The following GPC5 variants were observed in gnomAD, a reference collection of about 807,000 sequenced individuals.
The protein encoded by GPC5 is glypican 5.
Under a neutral mutation model 53.9 loss-of-function variants are expected in GPC5, and 47 were observed. That is an observed-to-expected ratio of 0.87 (90% CI 0.69 to 1.11). The LOEUF (loss-of-function observed/expected upper bound fraction) is 1.11, where lower values mean the gene tolerates loss of function less well. GPC5 is among the 50% of genes most tolerant of loss of function. The pLI is 0.00. For synonymous variants in GPC5, 286 were observed against 263.3 expected (o/e 1.09, Z -0.84); for missense variants, 748 against 713.1 (o/e 1.05, Z -0.56).
intron 7 of GPC5, among the ~76,000 whole-genome samples, chr13:92,847,235 A>G (rs1594546854): frequency 6.6e-6 from 1 of 152,230 alleles, no homozygotes; most frequent in East Asian, 1.9e-4. Flanking sequence ...CTGCTTTGCA[A>G]AGAGGTTCTA....
At chr13:91,766,273 G>T (rs1440413950) in intron 5 of GPC5, among the ~76,000 whole-genome samples, 1 of 152,190 alleles carries the variant, frequency 6.6e-6, no homozygotes, top group African/African-American at 2.4e-5. Context: ...TCTGAGTTGA[G>T]TGGCCTCTAC....
intron 2 of GPC5, among the ~76,000 whole-genome samples, chr13:91,515,091 T>A (rs182316585): frequency 2.0e-5 from 3 of 152,356 alleles, no homozygotes; most frequent in Admixed American, 1.3e-4. Flanking sequence ...TATTGGACAG[T>A]GCAGATACAG....
intron 2 of GPC5, among the ~76,000 whole-genome samples, chr13:91,449,240 A>G (rs1881018729): frequency 6.6e-6 from 1 of 152,152 alleles, no homozygotes; most frequent in Non-Finnish European, 1.5e-5. Flanking sequence ...GAACAGACAT[A>G]ATTATTAGAT....
chr13:91,985,954 A>T (rs1423991761), intron 6 of GPC5, among the ~76,000 whole-genome samples: 1 of 151,666 alleles, frequency 6.6e-6, no homozygotes, highest in Non-Finnish European at 1.5e-5. Context: ...GGCATCCAGG[A>T]CTCTGATCCC....
chr13:92,787,667 C>CAAAAAAAAAAAAAAAAAAAAAAAAAAAAA (rs71202562), intron 7 of GPC5, among the ~76,000 whole-genome samples: 2 of 56,232 alleles, frequency 3.6e-5, no homozygotes, highest in African/African-American at 1.4e-4. Context: ...CTCATAGCTA[C>CAAAAAAAAAAAAAAAAAAAAAAAAAAAAA]AAAAAAAAAA....
At chr13:92,661,762 T>C (rs1290214152) in intron 7 of GPC5, among the ~76,000 whole-genome samples, 1 of 152,240 alleles carries the variant, frequency 6.6e-6, no homozygotes, top group Non-Finnish European at 1.5e-5. Context: ...TGGTATTTAT[T>C]GTCAAGTTGT....
chr13:91,703,311 T>C (rs1214426631), intron 3 of GPC5, among the ~76,000 whole-genome samples: 1 of 152,120 alleles, frequency 6.6e-6, no homozygotes, highest in African/African-American at 2.4e-5. Context: ...AGCTGTGGGA[T>C]TGTGATATAT....
At chr13:91,579,503 T>A (rs966306083) in intron 2 of GPC5, among the ~76,000 whole-genome samples, 1 of 152,200 alleles carries the variant, frequency 6.6e-6, no homozygotes, top group African/African-American at 2.4e-5. Context: ...CTCTGTCATC[T>A]GAACCACATT....
chr13:92,081,589 A>C (rs2041296146), intron 6 of GPC5, among the ~76,000 whole-genome samples: 2 of 152,196 alleles, frequency 1.3e-5, no homozygotes, highest in South Asian at 4.1e-4. Flanking sequence ...TGGTCTGTTC[A>C]AATAATTTCT....
intron 7 of GPC5, among the ~76,000 whole-genome samples, chr13:92,381,906 T>TA (rs2043748616): frequency 7.3e-6 from 1 of 136,442 alleles, no homozygotes; most frequent in African/African-American, 2.8e-5. Context: ...TAATCATATA[T>TA]ATGATATATA....
chr13:91,648,160 C>A (rs928375612), intron 2 of GPC5, among the ~76,000 whole-genome samples: 15 of 152,162 alleles, frequency 9.9e-5, no homozygotes, highest in African/African-American at 1.4e-4. Flanking sequence ...ACAGTGCTAT[C>A]CTGATTCCAG....
chr13:91,753,464 C>T (rs902669798), intron 4 of GPC5, among the ~76,000 whole-genome samples: 2 of 152,104 alleles, frequency 1.3e-5, no homozygotes, highest in Non-Finnish European at 2.9e-5. Context: ...TCAAATCTTT[C>T]ACTTGTTTTT....
At chr13:92,431,477 G>A (rs924323222) in intron 7 of GPC5, among the ~76,000 whole-genome samples, 3 of 150,028 alleles carry the variant, frequency 2.0e-5, no homozygotes, top group Non-Finnish European at 4.4e-5. Flanking sequence ...CAACTAGAAA[G>A]GTTCTATAGG....
At chr13:92,816,990 G>A (rs761918071) in intron 7 of GPC5, among the ~76,000 whole-genome samples, 9 of 151,746 alleles carry the variant, frequency 5.9e-5, no homozygotes, top group East Asian at 3.9e-4. Context: ...GCCCACTCCC[G>A]GTCTAGAAAC....
At chr13:91,575,337 C>A (rs1034594779) in intron 2 of GPC5, among the ~76,000 whole-genome samples, 1 of 151,788 alleles carries the variant, frequency 6.6e-6, no homozygotes, top group East Asian at 1.9e-4. Context: ...AAATGTTAAC[C>A]CCACGTGAGT....
In GPC5 at chr13:91,822,222, C is replaced by T. The variant is rs555209628; in HGVS notation, c.1280+65802C>T. On this transcript the variant is annotated intron_variant, in intron 5 of 7. Transcript: ENST00000377067. ...ATAAGCCATCAATCATCAACTTGAGCTCCTTGAGAGCACTTGAGTCCCTGA... is the reference window on the plus strand; with the variant it reads ...ATAAGCCATCAATCATCAACTTGAGTTCCTTGAGAGCACTTGAGTCCCTGA... 2.6e-5 allele frequency among the ~76,000 whole-genome samples: 4 copies of T among 152,272 alleles called. No homozygotes were observed. The East Asian group carries it at 5.8e-4, about 22-fold the overall frequency.
chr13:92,702,972 G>A (rs1049157359), intron 7 of GPC5, among the ~76,000 whole-genome samples: 5 of 151,854 alleles, frequency 3.3e-5, no homozygotes, highest in Non-Finnish European at 7.4e-5. Context: ...GATGGGAATT[G>A]TTCAGAGAGA....
At chr13:92,720,333 T>G (rs927171858) in intron 7 of GPC5, among the ~76,000 whole-genome samples, 4 of 152,100 alleles carry the variant, frequency 2.6e-5, no homozygotes, top group African/African-American at 9.7e-5. Context: ...ACTGAGATAA[T>G]AAAGGTTTAA....
At chr13:91,506,254 A>G (rs1329731154) in intron 2 of GPC5, among the ~76,000 whole-genome samples, 1 of 152,170 alleles carries the variant, frequency 6.6e-6, no homozygotes, top group Non-Finnish European at 1.5e-5. Context: ...CTAGAGCATA[A>G]TAAATATAAT....
Sources: gnomAD v4.1 joint callset for allele counts (sites outside exome capture counted in the v4.1 genomes callset) on GRCh38, gnomAD v4.1.1 for gene constraint, MANE v1.5 for transcripts, NCBI Gene and HGNC (gene_info 2026-07-23, HGNC 2026-07-21) for gene names.